Variants in ABL2 observed in about 807,000 individuals in gnomAD.
ABL2 encodes ABL proto-oncogene 2, non-receptor tyrosine kinase, also known as tyrosine-protein kinase ABL2.
A neutral mutation model predicts 107.7 loss-of-function variants in ABL2; 49 were observed. That is an observed-to-expected ratio of 0.45 (90% confidence interval 0.36 to 0.58). The LOEUF (loss-of-function observed/expected upper bound fraction) is 0.58. ABL2 is among the 20% of genes least tolerant of loss of function. The probability of loss-of-function intolerance (pLI) is 0.00; values close to 1 mark genes in which losing one functional copy is unlikely to be tolerated. For missense variants in ABL2, 1,245 were observed against 1,457.0 expected, an observed-to-expected ratio of 0.85 and a Z score of 2.37; for synonymous variants, 549 against 548.6, an observed-to-expected ratio of 1.00 and a Z score of -0.01.
chr1:179,144,069 A>G (rs1205345985), intron 1 of ABL2, among the ~76,000 whole-genome samples: 1 of 152,228 alleles, frequency 6.6e-6, no homozygotes, highest in African/African-American at 2.4e-5. Flanking sequence ...AGAAAATTTA[A>G]AAACCTGAAA....
In ABL2 at chr1:179,107,084, C is replaced by A; in HGVS notation, c.*634G>T. 1 of 230,452 alleles carries A rather than the reference C, an allele frequency of 4.3e-6. No individual in the cohort carries two copies. Among genetic ancestry groups the A allele is most frequent in the East Asian group, 6.2e-5 (1 of 16,244 alleles). 14.3% of individuals were successfully genotyped at this position (230,452 alleles called of 1,614,324 possible). A position where few individuals can be genotyped will look rare whatever the true frequency, so the allele number is the denominator to read the frequency against. ...ATTTCTGATTCAACTTTCCAGCATT[C>A]TTTACTTCCTGCACTAACTGATACA... is the stretch of plus-strand genomic sequence containing the variant. On this transcript the variant is annotated 3_prime_UTR_variant, in exon 12 of 12. Transcript: ENST00000502732.
chr1:179,223,802 G>A (rs1286389473), intron 1 of ABL2, among the ~76,000 whole-genome samples: 2 of 151,830 alleles, frequency 1.3e-5, no homozygotes, highest in African/African-American at 2.4e-5. Flanking sequence ...TCAACCTGGG[G>A]TGCCAACAGC....
chr1:179,100,672 T>C lies in ABL2; in HGVS notation c.*7046A>G, dbSNP rs1653022150. 1 of 229,404 alleles carries C rather than the reference T, an allele frequency of 4.4e-6. No individual in the cohort carries two copies. 14.2% of individuals were successfully genotyped at this position (229,404 alleles called of 1,614,324 possible). A position where few individuals can be genotyped will look rare whatever the true frequency, so the allele number is the denominator to read the frequency against. On this transcript the variant is annotated 3_prime_UTR_variant, in exon 12 of 12. Transcript: ENST00000502732. The stretch of plus-strand genomic sequence containing the variant: ...CTCAGCTTCTGAGGGTTCAGCTCAG[T>C]AGCCTGGAGTGACAGGTAGGACCCT...
At chr1:179,220,414 C>T (rs150612795) in intron 1 of ABL2, among the ~76,000 whole-genome samples, 20 of 152,196 alleles carry the variant, frequency 1.3e-4, no homozygotes, top group African/African-American at 2.9e-4. Flanking sequence ...TTTTGTTTTC[C>T]GTTTAAAGCA....
rs927189884 is a variant in ABL2, at chr1:179,144,084, T to C, written c.158-10710A>G. Among the ~76,000 whole-genome samples, 7 of 152,198 alleles carry C rather than the reference T, an allele frequency of 4.6e-5. No individual in the cohort carries two copies. The South Asian group carries it at 1.0e-3, about 23-fold the overall frequency. Reference sequence around the variant, plus strand: ...AGAAAATTTAAAAACCTGAAAATGATAGTACTTTATGAGAATTAAACTAGT... The same window carrying C: ...AGAAAATTTAAAAACCTGAAAATGACAGTACTTTATGAGAATTAAACTAGT... On this transcript the variant is annotated intron_variant, in intron 1 of 11. Coordinates refer to ENST00000502732, the MANE Select transcript of ABL2 (RefSeq NM_007314.4).
intron 1 of ABL2, among the ~76,000 whole-genome samples, chr1:179,141,595 A>G (rs1160560041): frequency 2.6e-5 from 4 of 152,226 alleles, no homozygotes; most frequent in Non-Finnish European, 2.9e-5. Context: ...TACTAAAAGA[A>G]CCACAACTTA....
At chr1:179,201,733 T>C (rs1661680303) in intron 1 of ABL2, 1 of 734,920 alleles carries the variant, frequency 1.4e-6, no homozygotes, top group Non-Finnish European at 2.3e-6. Flanking sequence ...CAAGTTTCTT[T>C]AGTCATCAAC....
At chr1:179,148,541 A>G (rs1344110385) in intron 1 of ABL2, among the ~76,000 whole-genome samples, 1 of 152,176 alleles carries the variant, frequency 6.6e-6, no homozygotes, top group Non-Finnish European at 1.5e-5. Context: ...TGACCACTCC[A>G]CTGATCAGCT....
intron 1 of ABL2, among the ~76,000 whole-genome samples, chr1:179,163,881 G>A (rs1397705999): frequency 6.6e-6 from 1 of 152,216 alleles, no homozygotes; most frequent in African/African-American, 2.4e-5. Context: ...AAGGAATGAA[G>A]TATTGATAGA....
intron 4 of ABL2, among the ~76,000 whole-genome samples, chr1:179,122,209 C>T (rs1309835011): frequency 2.7e-5 from 4 of 150,322 alleles, no homozygotes; most frequent in Admixed American, 2.0e-4. Flanking sequence ...CCACCGCTCC[C>T]GGCCTAGGAA....
At chr1:179,125,234 C>CA (rs1655625267) in intron 4 of ABL2, among the ~76,000 whole-genome samples, 2 of 151,828 alleles carry the variant, frequency 1.3e-5, no homozygotes, top group Admixed American at 6.6e-5. Context: ...ATATTATTTA[C>CA]AAAAAAAAGC....
At chr1:179,213,415 C>T (rs951411942) in intron 1 of ABL2, among the ~76,000 whole-genome samples, 7 of 151,990 alleles carry the variant, frequency 4.6e-5, no homozygotes, top group Non-Finnish European at 1.0e-4. Context: ...GCTATCCTCC[C>T]GCCTCTGCCT....
intron 8 of ABL2, among the ~76,000 whole-genome samples, chr1:179,116,463 T>G (rs1200574566): frequency 6.6e-6 from 1 of 151,980 alleles, no homozygotes; most frequent in African/African-American, 2.4e-5. Context: ...AGATCTAGAC[T>G]GTGAGCTCTC....
At position 179,207,714 on chromosome 1, in the gene ABL2, T is replaced by C. The variant is rs115677700; in HGVS notation, c.157+21527A>G. ...GAATAACTTGCCCAGGAATACATTA[T>C]TTCTAAGGTCTCTTCAGGTTGTAAA... On this transcript the variant is annotated intron_variant, in intron 1 of 11. Transcript: ENST00000502732. Among the ~76,000 whole-genome samples, 1,294 of 152,282 alleles carry C rather than the reference T, an allele frequency of 8.5e-3. 15 individuals carry two copies. Among genetic ancestry groups the C allele is most frequent in the African/African-American group, 0.03 (1,233 of 41,562 alleles).
At chr1:179,190,662 C>T (rs1474209043) in intron 1 of ABL2, among the ~76,000 whole-genome samples, 2 of 152,034 alleles carry the variant, frequency 1.3e-5, no homozygotes, top group African/African-American at 4.8e-5. Context: ...TCTAATCACG[C>T]CTCTCCTCAG....
chr1:179,099,989 C>T lies in ABL2; in HGVS notation c.*7729G>A, dbSNP rs1652971249. On this transcript the variant is annotated 3_prime_UTR_variant, in exon 12 of 12. Transcript: ENST00000502732. ...GAGCGATTCCTCTTTTACTTACTCC[C>T]CCTTTCTTAATGGGCACGACAGCAA... 4.3e-6 allele frequency: 1 copy of T among 232,530 alleles called. No individual in the cohort carries two copies. Among genetic ancestry groups the T allele is most frequent in the Non-Finnish European group, 8.5e-6 (1 of 117,668 alleles). The allele number at this position is 232,530 out of a possible 1,614,324, so 14.4% of individuals were successfully genotyped here.
chr1:179,158,039 C>T (rs149898632), intron 1 of ABL2, among the ~76,000 whole-genome samples: 245 of 152,258 alleles, frequency 1.6e-3, no homozygotes, highest in Non-Finnish European at 3.1e-3. Context: ...ATCTTGATGG[C>T]AGAAGGGTGG....
At chr1:179,138,576 C>T (rs996553813) in intron 1 of ABL2, among the ~76,000 whole-genome samples, 1 of 152,108 alleles carries the variant, frequency 6.6e-6, no homozygotes, top group Non-Finnish European at 1.5e-5. Context: ...TTGTTTCTCT[C>T]ACTGAATTCC....
chr1:179,108,097 T>A lies in ABL2; in HGVS notation c.3170A>T (p.Lys1057Ile), dbSNP rs1239149231. 1.2e-6 allele frequency: 2 copies of A among 1,614,230 alleles called. No individual in the cohort carries two copies. The highest frequency in any genetic ancestry group is 1.7e-6 in the Non-Finnish European group (2 of 1,180,042). The change falls in exon 12 of 12, where the codon AAA becomes ATA. Residue 1057 changes from lysine to isoleucine, a missense_variant. Physicochemically the swap from Lys to Ile is moderately radical, Grantham distance 102 (BLOSUM62 -3). Coordinates refer to ENST00000502732, the MANE Select transcript of ABL2 (RefSeq NM_007314.4). Reference sequence around the variant, plus strand: ...AGTACCTGCTGTGCCATTGGCCATTTTGGCTGGCGAGATGGAAGATGTGGG... The same window carrying A: ...AGTACCTGCTGTGCCATTGGCCATTATGGCTGGCGAGATGGAAGATGTGGG... The part of the protein sequence containing the change: ...PLPTSSISPA[K>I]MANGTAGTKV...
Sources: allele counts gnomAD v4.1 joint callset (sites outside exome capture counted in the v4.1 genomes callset), GRCh38; gene constraint gnomAD v4.1.1; transcripts MANE v1.5; gene names NCBI Gene and HGNC (gene_info 2026-07-23, HGNC 2026-07-21).